The following KIAA1217 variants were observed in gnomAD, a reference collection of about 807,000 sequenced individuals.
KIAA1217 encodes sickle tail protein homolog.
A neutral mutation model predicts 163.9 loss-of-function variants in KIAA1217; 88 were observed. That is an observed-to-expected ratio of 0.54 (90% CI 0.45 to 0.64). The LOEUF (loss-of-function observed/expected upper bound fraction) is 0.64. Ranked by LOEUF, KIAA1217 falls within the 30% of genes least tolerant of loss-of-function variation. The pLI is 0.00. For synonymous variants in KIAA1217, 903 were observed against 923.1 expected (o/e 0.98, Z 0.39); for missense variants, 2,372 against 2,475.0 (o/e 0.96, Z 0.88).
At chr10:24,156,225 C>T (rs867227658) in intron 2 of KIAA1217, among the ~76,000 whole-genome samples, 31 of 152,274 alleles carry the variant, frequency 2.0e-4, no homozygotes, top group African/African-American at 7.5e-4. Flanking sequence ...ATCATACATA[C>T]TCCATTTTTG....
rs1191542817 is a variant in KIAA1217, at chr10:23,786,506, T to C, written c.-321+91272T>C. On this transcript the variant is annotated intron_variant, in intron 1 of 18. Coordinates refer to the KIAA1217 transcript ENST00000376462. The stretch of plus-strand genomic sequence containing the variant: ...TAACCACAAATACCATTTCTACCTC[T>C]CCCAAAATTTTAAAGTCTATTCAGA... Among the ~76,000 whole-genome samples, 3 of 143,042 alleles carry C rather than the reference T, an allele frequency of 2.1e-5. No individual in the cohort carries two copies. In the East Asian group the frequency reaches 6.0e-4, roughly 29 times the overall value. The allele number at this position is 143,042 out of a possible 152,430, so 93.8% of individuals were successfully genotyped here. A position where few individuals can be genotyped will look rare whatever the true frequency, so the allele number is the denominator to read the frequency against.
intron 1 of KIAA1217, among the ~76,000 whole-genome samples, chr10:23,739,310 A>G (rs1168264178): frequency 6.6e-6 from 1 of 152,212 alleles, no homozygotes. Context: ...TGATCGATAC[A>G]CTAAAAGCCA....
rs753528436 is a variant in KIAA1217 at position 24,543,581 on chromosome 10, C to T, written c.4311C>T (p.Cys1437=). The change falls in exon 19 of 21, where the codon TGC becomes TGT. Residue 1437 remains cysteine, a synonymous_variant. Coordinates refer to ENST00000376454, the MANE Select transcript of KIAA1217 (RefSeq NM_019590.5). The stretch of plus-strand genomic sequence containing the variant: ...CTGACAATGAGGATCCAGTCGTGTG[C>T]CTGGACAAGAAACCAGTGATCATCA... ...EGTDNEDPVV[C]LDKKPVIIIF... The T allele has an allele frequency of 2.5e-6, 4 of 1,613,962 alleles. 1 individual carries two copies. In the African/African-American group the frequency reaches 5.3e-5, roughly 22 times the overall value.
intron 15 of KIAA1217, among the ~76,000 whole-genome samples, chr10:24,532,572 A>T (rs1048622364): frequency 1.3e-5 from 2 of 152,228 alleles, no homozygotes; most frequent in Non-Finnish European, 2.9e-5. Context: ...AGGTCTCACA[A>T]TTATGGCAGA....
At position 24,043,018 on chromosome 10, in the gene KIAA1217, A is replaced by T. The variant is rs567438154; in HGVS notation, c.-171+35644A>T. ...TAGTGTTGTTACCTGGAGCATTTAA[A>T]TTAGCCTTCTCAGGTGAATGTTGGA... On this transcript the variant is annotated intron_variant, in intron 2 of 18. Coordinates refer to the KIAA1217 transcript ENST00000376462. Among the ~76,000 whole-genome samples, 4 of 152,332 alleles carry T rather than the reference A, an allele frequency of 2.6e-5. No homozygotes were observed. The South Asian group carries it at 8.3e-4, about 32-fold the overall frequency.
chr10:24,285,864 C>T lies in KIAA1217; in HGVS notation c.354+65955C>T, dbSNP rs76408611. ...TGTTTTTCCATTTGCTTGTGTTGTC[C>T]ATGATTTCTTTCAGCAGTGTTTTAT... is the stretch of plus-strand genomic sequence containing the variant. On this transcript the variant is annotated intron_variant, in intron 2 of 20. Coordinates refer to ENST00000376454, the MANE Select transcript of KIAA1217 (RefSeq NM_019590.5). Among the ~76,000 whole-genome samples the T allele has an allele frequency of 9.5e-3, 1,443 of 152,046 alleles. 29 individuals are homozygous for T. Among genetic ancestry groups the T allele is most frequent in the East Asian group, 0.084 (436 of 5,180 alleles).
At chr10:23,980,966 T>C (rs1159590139) in intron 1 of KIAA1217, among the ~76,000 whole-genome samples, 3 of 152,246 alleles carry the variant, frequency 2.0e-5, no homozygotes, top group Admixed American at 6.5e-5. Flanking sequence ...GGAGTTCATT[T>C]GTCTTCTCAA....
intron 2 of KIAA1217, among the ~76,000 whole-genome samples, chr10:24,023,240 T>C (rs1158913837): frequency 4.0e-5 from 6 of 151,800 alleles, no homozygotes; most frequent in Non-Finnish European, 5.9e-5. Context: ...CAATACCAAG[T>C]ATAGTCAAAC....
At chr10:23,776,945 A>G (rs1339398721) in intron 1 of KIAA1217, among the ~76,000 whole-genome samples, 9 of 152,098 alleles carry the variant, frequency 5.9e-5, no homozygotes, top group Non-Finnish European at 1.5e-5. Context: ...CAGCCTCCCA[A>G]AGTGCTGGGA....
At chr10:24,251,510 T>C (rs1286759502) in intron 2 of KIAA1217, among the ~76,000 whole-genome samples, 2 of 151,514 alleles carry the variant, frequency 1.3e-5, no homozygotes, top group Non-Finnish European at 2.9e-5. Flanking sequence ...GGAGTTTTCA[T>C]GTAAAAAATT....
At chr10:24,263,145 G>T (rs2075884206) in intron 2 of KIAA1217, among the ~76,000 whole-genome samples, 1 of 152,180 alleles carries the variant, frequency 6.6e-6, no homozygotes, top group African/African-American at 2.4e-5. Context: ...ATACCAGAGA[G>T]TGTGGATTGC....
intron 5 of KIAA1217, among the ~76,000 whole-genome samples, chr10:24,440,482 T>C (rs957550515): frequency 2.6e-5 from 4 of 152,204 alleles, no homozygotes; most frequent in Non-Finnish European, 5.9e-5. Context: ...AGAATCTTGT[T>C]TGTGGCTGGA....
At chr10:24,030,664 A>T (rs72773157) in intron 2 of KIAA1217, among the ~76,000 whole-genome samples, 5,472 of 151,664 alleles carry the variant, frequency 0.036, 151 homozygotes, top group African/African-American at 0.086. Flanking sequence ...TTAAACACGA[A>T]CTCCTCATTT....
At chr10:24,219,469 CCT>C (rs986650594) in intron 1 of KIAA1217, among the ~76,000 whole-genome samples, 155 bp from the exon 2 acceptor site, 2 of 152,130 alleles carry the variant, frequency 1.3e-5, no homozygotes, top group African/African-American at 4.8e-5. Flanking sequence ...GATTTTCTCC[CCT>C]GACTGCTGCA....
At chr10:23,867,509 C>T (rs954849875) in intron 1 of KIAA1217, among the ~76,000 whole-genome samples, 8 of 152,122 alleles carry the variant, frequency 5.3e-5, no homozygotes, top group Non-Finnish European at 1.0e-4. Flanking sequence ...CTCTCCAGCA[C>T]CTGTTGTTTC....
chr10:23,893,684 C>T (rs1312140545), intron 1 of KIAA1217, among the ~76,000 whole-genome samples: 1 of 151,520 alleles, frequency 6.6e-6, no homozygotes, highest in Non-Finnish European at 1.5e-5. Flanking sequence ...GAGACGCAAC[C>T]AAAAAAGAGA....
At chr10:23,957,214 G>A (rs1844606531) in intron 1 of KIAA1217, among the ~76,000 whole-genome samples, 1 of 152,092 alleles carries the variant, frequency 6.6e-6, no homozygotes, top group Admixed American at 6.6e-5. Context: ...GCCCTCGTGT[G>A]CCTGGCCAGT....
chr10:23,975,412 C>T (rs1415311634), intron 1 of KIAA1217, among the ~76,000 whole-genome samples: 1 of 152,180 alleles, frequency 6.6e-6, no homozygotes, highest in Non-Finnish European at 1.5e-5. Flanking sequence ...GGAGCTTCTT[C>T]CAAATTTTTC....
At position 24,494,541 on chromosome 10, in the gene KIAA1217, C is replaced by T; in HGVS notation, c.1721C>T (p.Thr574Ile). ...ATGGAGAAACAGATTGCCAGTTTAACTGGCCTTGTTCAGTCTGCGCTTTTT... is the reference window on the plus strand; with the variant it reads ...ATGGAGAAACAGATTGCCAGTTTAATTGGCCTTGTTCAGTCTGCGCTTTTT... The part of the protein sequence containing the change: ...QAMEKQIASL[T>I]GLVQSALFKG... Residue 574 changes from threonine to isoleucine, a missense_variant, in exon 7 of 21, where the codon ACT becomes ATT. Physicochemically the swap from Thr to Ile is moderately conservative, Grantham distance 89. This residue lies in a region of KIAA1217 where 1,431 missense variants were observed against 1,470.3 expected (regional missense o/e 0.97). Transcript: ENST00000376454. 6.2e-7 allele frequency: 1 copy of T among 1,614,118 alleles called. No individual in the cohort carries two copies. The highest frequency in any genetic ancestry group is 8.5e-7 in the Non-Finnish European group (1 of 1,179,996).
Sources: allele counts gnomAD v4.1 joint callset (sites outside exome capture counted in the v4.1 genomes callset), GRCh38; gene constraint gnomAD v4.1.1; regional missense constraint gnomAD v4.1.1; transcripts MANE v1.5; gene names NCBI Gene and HGNC (gene_info 2026-07-23, HGNC 2026-07-21).